The following ZNF224 variants were observed in gnomAD, a reference collection of about 807,000 sequenced individuals.
The protein encoded by ZNF224 is bone marrow zinc finger 2.
ZNF224 carries 8 observed loss-of-function variants against 10.5 expected under a neutral mutation model. The ratio of observed to expected loss-of-function variants is 0.76; its 90% CI spans 0.45 to 1.37. ZNF224 has a LOEUF of 1.37. Among genes scored for constraint, ZNF224 ranks in the 40% most tolerant of loss-of-function variants. The probability of loss-of-function intolerance (pLI) is 0.00; values close to 1 mark genes in which losing one functional copy is unlikely to be tolerated. For synonymous variants in ZNF224, 282 were observed against 287.8 expected, an observed-to-expected ratio of 0.98 and a Z score of 0.20; for missense variants, 754 against 854.0, an observed-to-expected ratio of 0.88 and a Z score of 1.46.
Position 44,108,846 on chromosome 19 carries a change from C to A in ZNF224, c.*562C>A. ...AAAGGGAAGCCTGCAAAAAATAATT[C>A]TGGGAAACATGAGTTGAAATGCAGA... On this transcript the variant is annotated 3_prime_UTR_variant, in exon 6 of 6. Coordinates refer to ENST00000693561, the MANE Select transcript of ZNF224 (RefSeq NM_001321645.3). The A allele has an allele frequency of 2.5e-6, 1 of 392,992 alleles. No homozygotes were observed. The highest frequency in any genetic ancestry group is 2.4e-5 in the Admixed American group (1 of 41,054). 24.3% of individuals were successfully genotyped at this position (392,992 alleles called of 1,614,324 possible).
In ZNF224 at chr19:44,106,701, T is replaced by C; in HGVS notation, c.541T>C (p.Cys181Arg). 6.2e-7 allele frequency: 1 copy of C among 1,604,266 alleles called. No homozygotes were observed. Among genetic ancestry groups the C allele is most frequent in the Non-Finnish European group, 8.5e-7 (1 of 1,174,804 alleles). The change falls in exon 6 of 6, where the codon TGT becomes CGT. Residue 181 changes from cysteine to arginine, a missense_variant. By Grantham distance (180) the Cys-to-Arg change is radical. Coordinates refer to ENST00000693561, the MANE Select transcript of ZNF224 (RefSeq NM_001321645.3). ...SGEKSHTCDE[C>R]GKNFCYISAL... ...AGAGAAATCTCATACGTGTGATGAG[T>C]GTGGAAAGAACTTTTGTTACATCTC...
Position 44,107,191 on chromosome 19 carries a change from AC to A in ZNF224, c.1032del (p.Tyr344Ter). On this transcript the variant is annotated frameshift_variant, in exon 6 of 6. Coordinates refer to ENST00000693561, the MANE Select transcript of ZNF224 (RefSeq NM_001321645.3). LOFTEE classifies it low-confidence loss of function (END_TRUNC). Reference protein sequence around the residue: ...HRMIHTGEKPYKCEECGKGFI... With the variant: ...HRMIHTGEKPXKCEECGKGFI... The stretch of plus-strand genomic sequence containing the variant: ...ATGATCCACACAGGAGAGAAACCAT[AC>A]AAATGTGAGGAGTGTGGAAAAGGCT... The A allele has an allele frequency of 6.2e-7, 1 of 1,606,252 alleles. No individual in the cohort carries two copies.
chr19:44,108,537 A>C lies in ZNF224; in HGVS notation c.*253A>C. On this transcript the variant is annotated 3_prime_UTR_variant, in exon 6 of 6. Transcript: ENST00000693561. ...TAGTCTCAGGACCACCATAATGGAGAATCCTTGTAAATGGTGCAATAAAGC... is the reference window on the plus strand; with the variant it reads ...TAGTCTCAGGACCACCATAATGGAGCATCCTTGTAAATGGTGCAATAAAGC... 1 of 498,094 alleles carries C rather than the reference A, an allele frequency of 2.0e-6. No individual in the cohort carries two copies. The highest frequency in any genetic ancestry group is 2.1e-5 in the South Asian group (1 of 46,618). The allele number at this position is 498,094 out of a possible 1,614,324, so 30.9% of individuals were successfully genotyped here. A position where few individuals can be genotyped will look rare whatever the true frequency, so the allele number is the denominator to read the frequency against.
intron 3 of ZNF224, among the ~76,000 whole-genome samples, chr19:44,100,581 A>C (rs1036618768): frequency 3.9e-5 from 6 of 152,198 alleles, no homozygotes; most frequent in Non-Finnish European, 7.3e-5. Flanking sequence ...GCACGAAGTA[A>C]AAATACAGGA....
intron 5 of ZNF224, 134 bp from the exon 6 acceptor site, chr19:44,106,262 A>G: frequency 2.2e-6 from 2 of 903,790 alleles, no homozygotes; most frequent in African/African-American, 3.4e-5. Context: ...ACCAAAGATT[A>G]TGGTGCACTT....
chr19:44,101,692 A>C (rs1437310774), intron 5 of ZNF224, among the ~76,000 whole-genome samples: 2 of 152,216 alleles, frequency 1.3e-5, no homozygotes, highest in African/African-American at 4.8e-5. Flanking sequence ...ACTGAGAGAC[A>C]AACATTTATT....
In ZNF224 at chr19:44,108,685, A is replaced by G. The variant is rs11879733; in HGVS notation, c.*401A>G. The G allele has an allele frequency of 0.035, 18,434 of 520,410 alleles. 2,607 individuals are homozygous for G. The highest frequency in any genetic ancestry group is 0.31 in the African/African-American group (15,887 of 52,054). 32.2% of individuals were successfully genotyped at this position (520,410 alleles called of 1,614,324 possible). A position where few individuals can be genotyped will look rare whatever the true frequency, so the allele number is the denominator to read the frequency against. The stretch of plus-strand genomic sequence containing the variant: ...CAAATTGATGTCCACTAGAATGTAA[A>G]CTACATGTGTCTTTGCTGCTAAGTC... On this transcript the variant is annotated 3_prime_UTR_variant, in exon 6 of 6. Transcript: ENST00000693561.
chr19:44,099,803 T>G (rs1462573102), intron 3 of ZNF224, among the ~76,000 whole-genome samples: 1 of 151,930 alleles, frequency 6.6e-6, no homozygotes, highest in Admixed American at 6.6e-5. Flanking sequence ...TGTATCCCCT[T>G]GAAAGATTTT....
rs374955751 is a variant in ZNF224 at position 44,107,854 on chromosome 19, A to C, written c.1694A>C (p.Glu565Ala). 9 of 1,601,586 alleles carry C rather than the reference A, an allele frequency of 5.6e-6. No individual in the cohort carries two copies. The African/African-American group carries it at 1.2e-4, about 22-fold the overall frequency. ...AAACATCAGAGACTGCACAGTGGAG[A>C]AAAACCATTCAAATGTGAAGAGTGT... Reference protein sequence around the residue: ...LLKHQRLHSGEKPFKCEECGK... With the variant: ...LLKHQRLHSGAKPFKCEECGK... Residue 565 changes from glutamate (E) to alanine (A), a missense_variant, in exon 6 of 6, where the codon GAA (glutamate) becomes GCA (alanine). Glu to Ala is a moderately radical substitution (Grantham distance 107, BLOSUM62 -1). Coordinates refer to ENST00000693561, the MANE Select transcript of ZNF224 (RefSeq NM_001321645.3).
chr19:44,102,536 G>A (rs559993305), intron 5 of ZNF224, among the ~76,000 whole-genome samples: 14 of 152,236 alleles, frequency 9.2e-5, no homozygotes, highest in Non-Finnish European at 1.9e-4. Context: ...CACAAACTAC[G>A]GTGAAAGAGA....
chr19:44,101,077 C>T, intron 4 of ZNF224, 56 bp from the exon 5 acceptor site: 2 of 1,611,048 alleles, frequency 1.2e-6, no homozygotes, highest in Non-Finnish European at 1.7e-6. Context: ...GTAAACTTTA[C>T]CTTGATATTA....
rs1249530486 is a variant in ZNF224, at chr19:44,108,983, TG to T, written c.*701del. On this transcript the variant is annotated 3_prime_UTR_variant, in exon 6 of 6. Transcript: ENST00000693561. ...TCATTGAACATTATTTTATTGCACT[TG>T]GCTCCTGGCTTCCCCCCATCCTGTG... 1 of 220,004 alleles carries T rather than the reference TG, an allele frequency of 4.5e-6. No homozygotes were observed. Among genetic ancestry groups the T allele is most frequent in the Non-Finnish European group, 9.5e-6 (1 of 105,380 alleles). The allele number at this position is 220,004 out of a possible 1,614,324, so 13.6% of individuals were successfully genotyped here. A position where few individuals can be genotyped will look rare whatever the true frequency, so the allele number is the denominator to read the frequency against.
intron 3 of ZNF224, among the ~76,000 whole-genome samples, chr19:44,098,708 T>G (rs900464656): frequency 5.3e-5 from 8 of 152,234 alleles, no homozygotes; most frequent in Non-Finnish European, 1.2e-4. Flanking sequence ...CTCAGCCTCC[T>G]GAGTGGCTGG....
At chr19:44,101,283 C>G in intron 5 of ZNF224, 58 bp downstream of exon 5, 4 of 1,548,550 alleles carry the variant, frequency 2.6e-6, no homozygotes, top group Non-Finnish European at 3.6e-6. Context: ...TCACTTCTGT[C>G]CATGCTCAAA....
intron 3 of ZNF224, 125 bp downstream of exon 3, chr19:44,098,013 T>C: frequency 1.0e-6 from 1 of 984,626 alleles, no homozygotes; most frequent in South Asian, 1.7e-5. Context: ...TTGTGTACCA[T>C]GTACTTCCTT....
Position 44,108,605 on chromosome 19 carries a change from A to G in ZNF224, c.*321A>G. ...TAATTACAGCTATCATTCAGGAGACAGGCCTTAGAAAGAGTAAGAGTTCAT... is the reference window on the plus strand; with the variant it reads ...TAATTACAGCTATCATTCAGGAGACGGGCCTTAGAAAGAGTAAGAGTTCAT... On this transcript the variant is annotated 3_prime_UTR_variant, in exon 6 of 6. Coordinates refer to ENST00000693561, the MANE Select transcript of ZNF224 (RefSeq NM_001321645.3). The G allele has an allele frequency of 2.1e-6, 1 of 468,658 alleles. No individual in the cohort carries two copies. The highest frequency in any genetic ancestry group is 4.3e-6 in the Non-Finnish European group (1 of 234,158). 29.0% of individuals were successfully genotyped at this position (468,658 alleles called of 1,614,324 possible).
chr19:44,107,801 G>A lies in ZNF224; in HGVS notation c.1641G>A (p.Lys547=). The change falls in exon 6 of 6, where the codon AAG becomes AAA. Residue 547 remains lysine (K), a synonymous_variant. Coordinates refer to ENST00000693561, the MANE Select transcript of ZNF224 (RefSeq NM_001321645.3). ...CATACAATTGTAAGGAATGTGGGAA[G>A]AGTTTTGGCTGGGCCTCGTGTCTTT... The part of the protein sequence containing the change: ...ERPYNCKECG[K]SFGWASCLLK... The A allele has an allele frequency of 1.2e-6, 2 of 1,601,712 alleles. No individual in the cohort carries two copies. Among genetic ancestry groups the A allele is most frequent in the South Asian group, 1.1e-5 (1 of 90,404 alleles).
At chr19:44,101,875 A>G (rs934712620) in intron 5 of ZNF224, among the ~76,000 whole-genome samples, 1 of 152,080 alleles carries the variant, frequency 6.6e-6, no homozygotes, top group Non-Finnish European at 1.5e-5. Context: ...TCCATCTTCA[A>G]AGGCAGCAAC....
Position 44,100,853 on chromosome 19 carries a change from G to A in ZNF224, c.68G>A (p.Gly23Glu). ...VAVVFTEEELGLLDLAQRKLY... is the reference protein window; with the variant it reads ...VAVVFTEEELELLDLAQRKLY... Reference sequence around the variant, plus strand: ...GTGGTCTTCACTGAGGAAGAGCTGGGGCTGCTGGACCTTGCTCAGAGGAAG... The same window carrying A: ...GTGGTCTTCACTGAGGAAGAGCTGGAGCTGCTGGACCTTGCTCAGAGGAAG... Residue 23 changes from glycine (G) to glutamate (E), a missense_variant, in exon 4 of 6, where the codon GGG becomes GAG. Transcript: ENST00000693561. The A allele has an allele frequency of 2.5e-6, 4 of 1,614,082 alleles. No homozygotes were observed. Among genetic ancestry groups the A allele is most frequent in the Non-Finnish European group, 3.4e-6 (4 of 1,180,002 alleles).
Sources: gnomAD v4.1 joint callset for allele counts (sites outside exome capture counted in the v4.1 genomes callset) on GRCh38, gnomAD v4.1.1 for gene constraint, MANE v1.5 for transcripts, NCBI Gene and HGNC (gene_info 2026-07-23, HGNC 2026-07-21) for gene names.